The following HTR7 variants were observed in gnomAD, a reference collection of about 807,000 sequenced individuals.
HTR7 encodes the protein 5-hydroxytryptamine receptor 7.
Under a neutral mutation model 34.0 loss-of-function variants are expected in HTR7, and 16 were observed. The ratio of observed to expected loss-of-function variants is 0.47; its 90% CI spans 0.32 to 0.71. The LOEUF (loss-of-function observed/expected upper bound fraction) is 0.71, where lower values mean the gene tolerates loss of function less well. HTR7 is among the 30% of genes least tolerant of loss of function. The pLI, the probability that HTR7 is intolerant of heterozygous loss-of-function variation, is 0.04. For synonymous variants in HTR7, 265 were observed against 260.2 expected (o/e 1.02, Z -0.18); for missense variants, 504 against 625.5 (o/e 0.81, Z 2.07).
chr10:90,830,923 G>C (rs1846159447), intron 1 of HTR7, among the ~76,000 whole-genome samples: 1 of 152,108 alleles, frequency 6.6e-6, no homozygotes, highest in Admixed American at 6.6e-5. Flanking sequence ...CTAGGGTTAT[G>C]TTGGAGGATC....
At chr10:90,784,756 C>T (rs111796980) in intron 1 of HTR7, among the ~76,000 whole-genome samples, 225 of 152,250 alleles carry the variant, frequency 1.5e-3, no homozygotes, top group African/African-American at 5.0e-3. Flanking sequence ...GACAGGCAGT[C>T]GGGAGAAAGC....
At chr10:90,830,487 C>G (rs1000659776) in intron 1 of HTR7, among the ~76,000 whole-genome samples, 1 of 152,108 alleles carries the variant, frequency 6.6e-6, no homozygotes, top group Non-Finnish European at 1.5e-5. Flanking sequence ...GCAAAAGTCA[C>G]TATAGAAAGA....
chr10:90,792,513 C>T (rs935557806), intron 1 of HTR7, among the ~76,000 whole-genome samples: 1 of 151,872 alleles, frequency 6.6e-6, no homozygotes, highest in Non-Finnish European at 1.5e-5. Flanking sequence ...TTCAACTGTA[C>T]ATTATATATA....
intron 1 of HTR7, among the ~76,000 whole-genome samples, chr10:90,777,980 C>T (rs1845245689): frequency 6.6e-6 from 1 of 152,210 alleles, no homozygotes; most frequent in Non-Finnish European, 1.5e-5. Flanking sequence ...CCTCTATGAA[C>T]ACTTCCAAGG....
intron 1 of HTR7, among the ~76,000 whole-genome samples, chr10:90,757,459 A>G (rs185488814): frequency 6.6e-6 from 1 of 152,314 alleles, no homozygotes; most frequent in East Asian, 1.9e-4. Context: ...GCTTAGCGGG[A>G]TGTTGTCTGG....
In HTR7 at chr10:90,748,957, T is replaced by A; in HGVS notation, c.1177A>T (p.Thr393Ser). 4 of 1,614,146 alleles carry A rather than the reference T, an allele frequency of 2.5e-6. No individual in the cohort carries two copies. The highest frequency in any genetic ancestry group is 3.4e-6 in the Non-Finnish European group (4 of 1,180,012). ...CACTGGAGCAGGCTGCGATAGGTGG[T>A]CCTCAGGTCCCGGTTGAAGAAGGCA... The part of the protein sequence containing the change: ...IYAFFNRDLR[T>S]TYRSLLQCQY... Residue 393 changes from threonine to serine, a missense_variant, in exon 2 of 4, where the codon ACC (threonine) becomes TCC (serine). By Grantham distance (58) the Thr-to-Ser change is moderately conservative. Around this residue, in one of 4 missense-constraint regions of HTR7, gnomAD observed 154 missense variants for 212.1 expected, o/e 0.73. Coordinates refer to ENST00000336152, the MANE Select transcript of HTR7 (RefSeq NM_019859.4).
At position 90,838,776 on chromosome 10, in the gene HTR7, G is replaced by C. The variant is rs546659679; in HGVS notation, c.539+18357C>G. On this transcript the variant is annotated intron_variant, in intron 1 of 3. Transcript: ENST00000336152. ...CTTTTTCCTGATCTTCACACAGCTG[G>C]CTCCTTCATGTCATTTACATCTCAG... Among the ~76,000 whole-genome samples, 3 of 152,228 alleles carry C rather than the reference G, an allele frequency of 2.0e-5. No homozygotes were observed. The East Asian group carries it at 5.8e-4, about 29-fold the overall frequency.
intron 1 of HTR7, among the ~76,000 whole-genome samples, chr10:90,845,524 C>T (rs1448306193): frequency 6.6e-6 from 1 of 152,176 alleles, no homozygotes; most frequent in Non-Finnish European, 1.5e-5. Context: ...AGCAGAGTCA[C>T]TCAACGACAG....
intron 1 of HTR7, among the ~76,000 whole-genome samples, chr10:90,837,083 C>T (rs1030343895): frequency 3.3e-5 from 5 of 152,160 alleles, no homozygotes; most frequent in African/African-American, 1.2e-4. Flanking sequence ...AGCTTCCCTA[C>T]TATACCCCTC....
intron 1 of HTR7, among the ~76,000 whole-genome samples, chr10:90,760,706 C>T (rs1297753187): frequency 6.6e-6 from 1 of 151,986 alleles, no homozygotes; most frequent in African/African-American, 2.4e-5. Context: ...ATGGTGAAAC[C>T]CCATCTGTAC....
chr10:90,854,495 C>T (rs1195240931), intron 1 of HTR7, among the ~76,000 whole-genome samples: 3 of 152,158 alleles, frequency 2.0e-5, no homozygotes, highest in Non-Finnish European at 2.9e-5. Flanking sequence ...TTTGCTGGCT[C>T]ACAATGTCTT....
At chr10:90,789,124 A>AT (rs1323340768) in intron 1 of HTR7, among the ~76,000 whole-genome samples, 1 of 152,186 alleles carries the variant, frequency 6.6e-6, no homozygotes, top group African/African-American at 2.4e-5. Context: ...GTTTCTCAGT[A>AT]TATCTACTGG....
chr10:90,848,269 T>G (rs1846443102), intron 1 of HTR7, among the ~76,000 whole-genome samples: 1 of 151,970 alleles, frequency 6.6e-6, no homozygotes, highest in South Asian at 2.1e-4. Flanking sequence ...TCCATGTTGG[T>G]CAGGCTGGTC....
At chr10:90,816,282 G>A (rs992151748) in intron 1 of HTR7, among the ~76,000 whole-genome samples, 1 of 152,160 alleles carries the variant, frequency 6.6e-6, no homozygotes, top group Non-Finnish European at 1.5e-5. Flanking sequence ...ATACTTTTGT[G>A]AGCAGAATAT....
chr10:90,779,419 G>C (rs544238874), intron 1 of HTR7, among the ~76,000 whole-genome samples: 3 of 152,278 alleles, frequency 2.0e-5, no homozygotes, highest in African/African-American at 7.2e-5. Flanking sequence ...CTGACCCTGC[G>C]TTTTGCTCCA....
intron 1 of HTR7, among the ~76,000 whole-genome samples, chr10:90,809,695 G>T (rs1325323047): frequency 6.6e-6 from 1 of 152,242 alleles, no homozygotes; most frequent in Non-Finnish European, 1.5e-5. Flanking sequence ...CCAGGAGCTT[G>T]CTACAAGTGC....
At chr10:90,843,867 G>A (rs902693203) in intron 1 of HTR7, among the ~76,000 whole-genome samples, 11 of 152,144 alleles carry the variant, frequency 7.2e-5, no homozygotes, top group Non-Finnish European at 1.5e-4. Context: ...GTATTTTTAA[G>A]TAGTTGAAAA....
rs1564689972 is a variant in HTR7, at chr10:90,809,885, G to C, written c.539+47248C>G. Reference sequence around the variant, plus strand: ...CTGCTTCCCAGATCTTCTTGGCTTAGCGGCTGAAGACTGACACTGCCTGAT... The same window carrying C: ...CTGCTTCCCAGATCTTCTTGGCTTACCGGCTGAAGACTGACACTGCCTGAT... On this transcript the variant is annotated intron_variant, in intron 1 of 3. Coordinates refer to ENST00000336152, the MANE Select transcript of HTR7 (RefSeq NM_019859.4). Among the ~76,000 whole-genome samples, 6 of 152,226 alleles carry C rather than the reference G, an allele frequency of 3.9e-5. 1 individual carries two copies. The South Asian group carries it at 6.2e-4, about 16-fold the overall frequency.
intron 1 of HTR7, among the ~76,000 whole-genome samples, chr10:90,750,292 C>T (rs930420354): frequency 1.3e-5 from 2 of 152,096 alleles, no homozygotes; most frequent in East Asian, 3.8e-4. Context: ...TTAGGAGAAT[C>T]ACAAAACAAG....
Sources: allele counts gnomAD v4.1 joint callset (sites outside exome capture counted in the v4.1 genomes callset), GRCh38; gene constraint gnomAD v4.1.1; regional missense constraint gnomAD v4.1.1; transcripts MANE v1.5; gene names NCBI Gene and HGNC (gene_info 2026-07-23, HGNC 2026-07-21).